The following RPGRIP1L variants were observed in gnomAD, a reference collection of about 807,000 sequenced individuals.
RPGRIP1L encodes the protein protein fantom.
Under a neutral mutation model 160.4 loss-of-function variants are expected in RPGRIP1L, and 131 were observed. The observed-to-expected ratio is 0.82, with a 90% CI of 0.71 to 0.94. The LOEUF is 0.94. Among genes scored for constraint, RPGRIP1L ranks in the 40% least tolerant of loss-of-function variants. The pLI, the probability that RPGRIP1L is intolerant of heterozygous loss-of-function variation, is 0.00. For missense variants in RPGRIP1L, 1,522 were observed against 1,535.8 expected, an observed-to-expected ratio of 0.99 and a Z score of 0.15; for synonymous variants, 510 against 515.8, an observed-to-expected ratio of 0.99 and a Z score of 0.15.
chr16:53,683,954 C>T (rs1283967447), intron 6 of RPGRIP1L, among the ~76,000 whole-genome samples: 3 of 152,002 alleles, frequency 2.0e-5, no homozygotes, highest in African/African-American at 7.2e-5. Context: ...GAAAACGGGC[C>T]CCTTTCTTAC....
intron 16 of RPGRIP1L, among the ~76,000 whole-genome samples, chr16:53,647,155 T>C (rs1387879701): frequency 1.3e-5 from 2 of 152,196 alleles, no homozygotes. Flanking sequence ...CCAAAGTATG[T>C]TGTAAGGAAT....
In RPGRIP1L at chr16:53,652,930, A is replaced by T; in HGVS notation, c.1757T>A (p.Met586Lys). Residue 586 changes from methionine to lysine, a missense_variant, in exon 15 of 27, where the codon ATG (methionine) becomes AAG (lysine). Physicochemically the swap from Met to Lys is moderately conservative, Grantham distance 95 (BLOSUM62 -1). Coordinates refer to ENST00000647211, the MANE Select transcript of RPGRIP1L (RefSeq NM_015272.5). Reference sequence around the variant, plus strand: ...AAATTCATCAACAGAGTCATCTGGCATGATTTCTGGTTTAAATTTGTACTG... The same window carrying T: ...AAATTCATCAACAGAGTCATCTGGCTTGATTTCTGGTTTAAATTTGTACTG... ...TKQYKFKPEI[M>K]PDDSVDEFDE... The T allele has an allele frequency of 2.5e-6, 4 of 1,613,666 alleles. No individual in the cohort carries two copies. In the South Asian group the frequency reaches 4.4e-5, roughly 18 times the overall value.
rs1335003417 is a variant in RPGRIP1L, at chr16:53,615,469, TATA to T, written c.3616+3553_3616+3555del. Among the ~76,000 whole-genome samples, 83 of 72,184 alleles carry T rather than the reference TATA, an allele frequency of 1.1e-3. 1 individual carries two copies. The highest frequency in any genetic ancestry group is 4.3e-3 in the African/African-American group (60 of 13,866). 47.4% of individuals were successfully genotyped at this position (72,184 alleles called of 152,430 possible). On this transcript the variant is annotated intron_variant, in intron 24 of 26. Coordinates refer to ENST00000647211, the MANE Select transcript of RPGRIP1L (RefSeq NM_015272.5). ...TTCTAAGAATATATATATATATATA[TATA>T]TTTTTTTTTTTTTTTTTTTGAGATG...
At chr16:53,672,407 T>C (rs142588191) in intron 8 of RPGRIP1L, among the ~76,000 whole-genome samples, 166 of 152,236 alleles carry the variant, frequency 1.1e-3, no homozygotes, top group African/African-American at 3.8e-3. Flanking sequence ...ACAGGCTACA[T>C]AAAATACTAC....
chr16:53,628,300 A>G, intron 22 of RPGRIP1L: 1 of 152,294 alleles, frequency 6.6e-6, no homozygotes, highest in Non-Finnish European at 1.5e-5. Flanking sequence ...GCTCTAAGAC[A>G]AGCTCAAAAC....
In RPGRIP1L at chr16:53,654,673, C is replaced by T. The variant is rs1598335969; in HGVS notation, c.1700-1686G>A. ...TTTTCCTATTTGTATTCTCCCTGCC[C>T]AGCACTTTGCTTAGGATGCATTAGG... On this transcript the variant is annotated intron_variant, in intron 14 of 26. Coordinates refer to ENST00000647211, the MANE Select transcript of RPGRIP1L (RefSeq NM_015272.5). Among the ~76,000 whole-genome samples, 3 of 152,150 alleles carry T rather than the reference C, an allele frequency of 2.0e-5. No individual in the cohort carries two copies. The East Asian group carries it at 5.8e-4, about 29-fold the overall frequency.
chr16:53,651,977 A>G (rs1013373172), intron 15 of RPGRIP1L, among the ~76,000 whole-genome samples: 1 of 152,094 alleles, frequency 6.6e-6, no homozygotes, highest in African/African-American at 2.4e-5. Flanking sequence ...TTATTTATAA[A>G]TAAATTACAT....
intron 15 of RPGRIP1L, among the ~76,000 whole-genome samples, chr16:53,650,256 C>T (rs1966841462): frequency 6.6e-6 from 1 of 152,198 alleles, no homozygotes; most frequent in Admixed American, 6.5e-5. Flanking sequence ...CTCCCACCCT[C>T]TAACCTTCTG....
intron 13 of RPGRIP1L, among the ~76,000 whole-genome samples, chr16:53,657,006 C>T (rs1441068937): frequency 1.3e-5 from 2 of 152,080 alleles, no homozygotes; most frequent in Non-Finnish European, 2.9e-5. Flanking sequence ...CTTTGGGAGG[C>T]CGAGGTGGGT....
chr16:53,629,945 AG>A (rs1487008585), intron 22 of RPGRIP1L, among the ~76,000 whole-genome samples: 1 of 152,242 alleles, frequency 6.6e-6, no homozygotes, highest in Non-Finnish European at 1.5e-5. Context: ...TAACGCTGTC[AG>A]ATGTACATTT....
chr16:53,672,766 T>C (rs1968847301), intron 8 of RPGRIP1L, 104 bp downstream of exon 8: 5 of 1,041,082 alleles, frequency 4.8e-6, no homozygotes, highest in Non-Finnish European at 7.2e-6. Flanking sequence ...ACATAACTTA[T>C]AATTTTAAAT....
In RPGRIP1L at chr16:53,645,766, T is replaced by C. The variant is rs767112083; in HGVS notation, c.2542A>G (p.Met848Val). The change falls in exon 17 of 27, where the codon ATG becomes GTG. Residue 848 changes from methionine (M) to valine (V), a missense_variant. Coordinates refer to ENST00000647211, the MANE Select transcript of RPGRIP1L (RefSeq NM_015272.5). ...FDDHMYFPVP[M>V]NMDLDRYLKS... Reference sequence around the variant, plus strand: ...AGGTATCGATCCAAGTCCATATTCATTGGCACTGGGAAATACATATGATCA... The same window carrying C: ...AGGTATCGATCCAAGTCCATATTCACTGGCACTGGGAAATACATATGATCA... 8.7e-6 allele frequency: 14 copies of C among 1,614,034 alleles called. No individual in the cohort carries two copies. Among genetic ancestry groups the C allele is most frequent in the African/African-American group, 8.0e-5 (6 of 74,920 alleles).
intron 21 of RPGRIP1L, 72 bp from the exon 22 acceptor site, chr16:53,636,584 G>T: frequency 9.7e-7 from 1 of 1,033,338 alleles, no homozygotes; most frequent in Non-Finnish European, 1.5e-6. Flanking sequence ...AAAATAAAGA[G>T]AAACAAGCAC....
chr16:53,695,633 GACAATACTGTTTCTTCAGAA>G (rs1970697393), intron 3 of RPGRIP1L: 2 of 572,092 alleles, frequency 3.5e-6, no homozygotes, highest in East Asian at 2.9e-5. Flanking sequence ...AATCAAAAGT[GACAATACTGTTTCTTCAGAA>G]ACAGTAGAGA....
At chr16:53,664,766 C>T (rs150758505) in intron 10 of RPGRIP1L, 104 bp downstream of exon 10, 10 of 1,277,676 alleles carry the variant, frequency 7.8e-6, no homozygotes, top group African/African-American at 2.9e-5. Context: ...TCATACATTG[C>T]GGGGATACTG....
At chr16:53,623,001 C>T (rs1420945639) in intron 22 of RPGRIP1L, among the ~76,000 whole-genome samples, 1 of 152,046 alleles carries the variant, frequency 6.6e-6, no homozygotes, top group Non-Finnish European at 1.5e-5. Context: ...GGGTGAGACC[C>T]TGTCTCAAAA....
intron 24 of RPGRIP1L, among the ~76,000 whole-genome samples, chr16:53,618,731 G>C (rs1053257563): frequency 3.3e-5 from 5 of 151,786 alleles, no homozygotes; most frequent in African/African-American, 1.2e-4. Context: ...TTTTTTTGTA[G>C]AGACGAGGTT....
chr16:53,612,255 AG>A (rs1444222092), intron 24 of RPGRIP1L, among the ~76,000 whole-genome samples: 2 of 152,228 alleles, frequency 1.3e-5, no homozygotes, highest in Admixed American at 1.3e-4. Flanking sequence ...GGATAGCCAA[AG>A]TCAAACACCA....
At chr16:53,641,553 C>A (rs1428739051) in intron 17 of RPGRIP1L, 78 bp from the exon 18 acceptor site, 10 of 1,276,362 alleles carry the variant, frequency 7.8e-6, no homozygotes, top group Non-Finnish European at 4.5e-6. Context: ...AAGAACTACT[C>A]CCTACTTTAA....
Sources: gnomAD v4.1 joint callset for allele counts (sites outside exome capture counted in the v4.1 genomes callset) on GRCh38, gnomAD v4.1.1 for gene constraint, MANE v1.5 for transcripts, NCBI Gene and HGNC (gene_info 2026-07-23, HGNC 2026-07-21) for gene names.